Variants in PCCB observed in about 807,000 individuals in gnomAD.
The protein encoded by PCCB is propionyl-CoA carboxylase beta chain, mitochondrial.
A neutral mutation model predicts 60.7 loss-of-function variants in PCCB; 43 were observed. The ratio of observed to expected loss-of-function variants is 0.71; its 90% CI spans 0.55 to 0.91. The LOEUF is 0.91. Among genes scored for constraint, PCCB ranks in the 40% least tolerant of loss-of-function variants. The pLI is 0.00. For missense variants in PCCB, 766 were observed against 702.8 expected, an observed-to-expected ratio of 1.09 and a Z score of -1.02; for synonymous variants, 276 against 255.9, an observed-to-expected ratio of 1.08 and a Z score of -0.75.
chr3:136,260,277 C>T, intron 3 of PCCB: 1 of 659,476 alleles, frequency 1.5e-6, no homozygotes, highest in Non-Finnish European at 2.8e-6. Flanking sequence ...GGGCTTCTGC[C>T]ATGTCGCCCA....
chr3:136,296,034 A>C (rs1245458861), intron 7 of PCCB, among the ~76,000 whole-genome samples: 2 of 152,178 alleles, frequency 1.3e-5, no homozygotes, highest in African/African-American at 4.8e-5. Flanking sequence ...GCAAGGCACA[A>C]AAAGGTGCTC....
chr3:136,268,098 A>ATGTATATATATATATATATATATATATG (rs1283713299), intron 5 of PCCB, among the ~76,000 whole-genome samples: 21 of 115,488 alleles, frequency 1.8e-4, no homozygotes, highest in Admixed American at 2.7e-4. Flanking sequence ...ATATATATAT[A>ATGTATATATATATATATATATATATATG]TATATATATA....
chr3:136,262,564 T>A (rs753702450), intron 5 of PCCB, among the ~76,000 whole-genome samples: 1 of 152,170 alleles, frequency 6.6e-6, no homozygotes, highest in Non-Finnish European at 1.5e-5. Flanking sequence ...CTTTGCTTAT[T>A]TACAGACTGA....
At chr3:136,288,861 G>C (rs1933544753) in intron 6 of PCCB, among the ~76,000 whole-genome samples, 1 of 152,026 alleles carries the variant, frequency 6.6e-6, no homozygotes, top group Non-Finnish European at 1.5e-5. Context: ...GAAGAGCAGT[G>C]GTGCGATCTC....
At chr3:136,290,097 CATTT>C (rs752096845) in intron 6 of PCCB, among the ~76,000 whole-genome samples, 7 of 152,164 alleles carry the variant, frequency 4.6e-5, no homozygotes, top group Non-Finnish European at 8.8e-5. Flanking sequence ...ATTTTACCTT[CATTT>C]ATTCCTTCTT....
At chr3:136,328,624 C>G in intron 13 of PCCB, 134 bp from the exon 14 acceptor site, 2 of 720,490 alleles carry the variant, frequency 2.8e-6, no homozygotes, top group Non-Finnish European at 5.0e-6. Context: ...TATGCTATGG[C>G]CTTTAGAGAT....
At chr3:136,256,765 G>A (rs2108138525) in intron 3 of PCCB, 142 bp downstream of exon 3, 4 of 714,274 alleles carry the variant, frequency 5.6e-6, no homozygotes, top group South Asian at 3.0e-5. Flanking sequence ...TTCAGTGCGT[G>A]TTTCCAGAAT....
At chr3:136,266,131 G>GTTTT (rs757902404) in intron 5 of PCCB, among the ~76,000 whole-genome samples, 2 of 124,920 alleles carry the variant, frequency 1.6e-5, no homozygotes, top group African/African-American at 5.9e-5. Flanking sequence ...CCCAGCCTTG[G>GTTTT]TTTTTTTTTT....
rs1187048274 is a variant in PCCB at position 136,316,986 on chromosome 3, A to T, written c.1012A>T (p.Lys338Ter). ...EFFEIMPNYA[K>*]NIIVGFARMN... ...TTTTGAGATCATGCCCAATTATGCC[A>T]AGAACATCATTGTTGGTTTTGCAAG... The change falls in exon 10 of 15, where the codon AAG becomes TAG. Residue 338 changes from lysine to a stop codon, truncating the protein, a stop_gained. Transcript: ENST00000251654. LOFTEE classifies it high-confidence loss of function. 2 of 1,613,978 alleles carry T rather than the reference A, an allele frequency of 1.2e-6. No homozygotes were observed.
chr3:136,255,767 T>G, intron 1 of PCCB, 89 bp from the exon 2 acceptor site: 1 of 1,136,516 alleles, frequency 8.8e-7, no homozygotes, highest in Non-Finnish European at 1.3e-6. Flanking sequence ...CGGGCAAATC[T>G]GCCCTTCAAG....
intron 1 of PCCB, chr3:136,255,598 C>G (rs1006192164): frequency 2.0e-6 from 1 of 508,128 alleles, no homozygotes; most frequent in Non-Finnish European, 3.6e-6. Flanking sequence ...CCACTTCTCT[C>G]TACCTTTTCC....
chr3:136,268,711 G>A (rs1015322315), intron 5 of PCCB, among the ~76,000 whole-genome samples: 11 of 151,878 alleles, frequency 7.2e-5, no homozygotes, highest in Admixed American at 3.9e-4. Context: ...TGATCCACCC[G>A]CCTCGGCCTC....
intron 5 of PCCB, among the ~76,000 whole-genome samples, chr3:136,273,672 CGAGGCCAA>C (rs1942264765): frequency 8.0e-6 from 1 of 124,506 alleles, no homozygotes; most frequent in Admixed American, 1.0e-4. Context: ...AGCTACTTTG[CGAGGCCAA>C]GACGGGCGGA....
intron 12 of PCCB, 29 bp from the exon 13 acceptor site, chr3:136,327,605 C>A: frequency 6.5e-7 from 1 of 1,540,334 alleles, no homozygotes; most frequent in Non-Finnish European, 9.0e-7. Flanking sequence ...GTCTCAGGCT[C>A]TAACACTCAG....
chr3:136,315,807 C>G (rs1279962), intron 9 of PCCB, among the ~76,000 whole-genome samples: 1 of 149,412 alleles, frequency 6.7e-6, no homozygotes. Flanking sequence ...CAGCCTGGGT[C>G]ACAGAGCAAG....
chr3:136,274,527 GA>G (rs1942291734), intron 5 of PCCB, among the ~76,000 whole-genome samples: 1 of 152,166 alleles, frequency 6.6e-6, no homozygotes, highest in African/African-American at 2.4e-5. Flanking sequence ...TAGGTTACCT[GA>G]TGCTTTTGTC....
At chr3:136,265,024 T>C (rs1439200627) in intron 5 of PCCB, among the ~76,000 whole-genome samples, 7 of 151,016 alleles carry the variant, frequency 4.6e-5, no homozygotes, top group African/African-American at 1.5e-4. Flanking sequence ...TGAAACCCTG[T>C]CTCTACTAAA....
chr3:136,278,917 T>C (rs184763905), intron 5 of PCCB, among the ~76,000 whole-genome samples: 96 of 152,332 alleles, frequency 6.3e-4, no homozygotes, highest in African/African-American at 2.3e-3. Flanking sequence ...TGTGCACCTA[T>C]TTCTCCCCAC....
intron 3 of PCCB, 80 bp downstream of exon 3, chr3:136,256,703 G>A: frequency 3.0e-6 from 3 of 1,014,412 alleles, no homozygotes; most frequent in Non-Finnish European, 4.7e-6. Flanking sequence ...GCCAATCTTG[G>A]GGAATGAAAA....
Sources: gnomAD v4.1 joint callset for allele counts (sites outside exome capture counted in the v4.1 genomes callset) on GRCh38, gnomAD v4.1.1 for gene constraint, MANE v1.5 for transcripts, NCBI Gene and HGNC (gene_info 2026-07-23, HGNC 2026-07-21) for gene names.